Variants in ASTN1 observed in about 807,000 individuals in gnomAD.
ASTN1 encodes astrotactin-1.
A neutral mutation model predicts 140.7 loss-of-function variants in ASTN1; 41 were observed. That is an observed-to-expected ratio of 0.29 (90% CI 0.23 to 0.38). ASTN1 has a LOEUF of 0.38. ASTN1 is among the 10% of genes least tolerant of loss of function. The probability of loss-of-function intolerance (pLI) is 1.00; values close to 1 mark genes in which losing one functional copy is unlikely to be tolerated. For missense variants in ASTN1, 1,479 were observed against 1,678.8 expected, an observed-to-expected ratio of 0.88 and a Z score of 2.08; for synonymous variants, 640 against 652.2, an observed-to-expected ratio of 0.98 and a Z score of 0.29.
Position 177,024,814 on chromosome 1 carries a change from T to G in ASTN1, c.1121-82A>C, listed in dbSNP as rs1029588857. 25 of 1,485,512 alleles carry G rather than the reference T, an allele frequency of 1.7e-5. No individual in the cohort carries two copies. In the Admixed American group the frequency reaches 4.4e-4, roughly 26 times the overall value. 92.0% of individuals were successfully genotyped at this position (1,485,512 alleles called of 1,614,324 possible). Reference sequence around the variant, plus strand: ...CAACTTGGCTTTTTGCCAATCATCCTGGCAAACAGGGGAGACAGTTGGCAA... The same window carrying G: ...CAACTTGGCTTTTTGCCAATCATCCGGGCAAACAGGGGAGACAGTTGGCAA... On this transcript the variant is annotated intron_variant, in intron 5 of 22. Coordinates refer to ENST00000361833, the MANE Select transcript of ASTN1 (RefSeq NM_004319.3).
intron 16 of ASTN1, among the ~76,000 whole-genome samples, chr1:176,911,717 A>G (rs557247701): frequency 6.6e-6 from 1 of 152,204 alleles, no homozygotes; most frequent in Non-Finnish European, 1.5e-5. Flanking sequence ...CTCCTGGAAG[A>G]CCTGCCTGAA....
intron 6 of ASTN1, 136 bp downstream of exon 6, chr1:177,024,447 T>G: frequency 8.8e-7 from 1 of 1,131,780 alleles, no homozygotes; most frequent in Non-Finnish European, 1.2e-6. Flanking sequence ...TGTATCCTCA[T>G]CCTTACTTAT....
At chr1:177,068,821 CTT>C (rs763780306) in intron 1 of ASTN1, among the ~76,000 whole-genome samples, 32 of 135,272 alleles carry the variant, frequency 2.4e-4, no homozygotes, top group Non-Finnish European at 2.9e-4. Context: ...TCTTTCTTTT[CTT>C]TTTTTTTTTT....
At chr1:176,958,272 C>G (rs1672503825) in intron 10 of ASTN1, 73 bp downstream of exon 10, 1 of 1,604,174 alleles carries the variant, frequency 6.2e-7, no homozygotes, top group Non-Finnish European at 8.5e-7. Context: ...TCCCCAGCAC[C>G]TAAAACCTAC....
chr1:177,144,154 T>G (rs1302537519), intron 1 of ASTN1, among the ~76,000 whole-genome samples: 2 of 151,834 alleles, frequency 1.3e-5, no homozygotes, highest in Non-Finnish European at 2.9e-5. Flanking sequence ...AACATGATTT[T>G]TTTTTTTTTT....
At chr1:177,162,813 C>G (rs572390305) in intron 1 of ASTN1, among the ~76,000 whole-genome samples, 3 of 152,264 alleles carry the variant, frequency 2.0e-5, no homozygotes, top group Non-Finnish European at 2.9e-5. Context: ...CCAAATAACC[C>G]AGTAATTGTA....
At position 176,862,780 on chromosome 1, in the gene ASTN1, G is replaced by A. The variant is rs1668009677; in HGVS notation, c.*1504C>T. The A allele has an allele frequency of 1.0e-6, 1 of 977,076 alleles. No homozygotes were observed. The highest frequency in any genetic ancestry group is 6.2e-5 in the Admixed American group (1 of 16,258). 60.5% of individuals were successfully genotyped at this position (977,076 alleles called of 1,614,324 possible). A position where few individuals can be genotyped will look rare whatever the true frequency, so the allele number is the denominator to read the frequency against. On this transcript the variant is annotated 3_prime_UTR_variant, in exon 23 of 23. Transcript: ENST00000361833. ...AATGATACCTAAAGTGCTTACATCA[G>A]CGCCTGGCATACAGCAAGCACTCAA... is the stretch of plus-strand genomic sequence containing the variant.
rs1170258960 is a variant in ASTN1 at position 176,944,016 on chromosome 1, T to G, written c.2252A>C (p.Gln751Pro). 6 of 1,613,840 alleles carry G rather than the reference T, an allele frequency of 3.7e-6. No individual in the cohort carries two copies. Among genetic ancestry groups the G allele is most frequent in the Middle Eastern group, 3.3e-4 (2 of 6,026 alleles). Residue 751 changes from glutamine (Q) to proline (P), a missense_variant and splice_region_variant, in exon 14 of 23, where the codon CAA (glutamine) becomes CCA (proline). This residue lies in a region of ASTN1 where 746 missense variants were observed against 800.9 expected (regional missense o/e 0.93). Coordinates refer to ENST00000361833, the MANE Select transcript of ASTN1 (RefSeq NM_004319.3). Reference sequence around the variant, plus strand: ...GTCTAAACCACGAGCAAAGTTGTTTTGCCTAGAAAGAGGGTAGACCTTCAT... The same window carrying G: ...GTCTAAACCACGAGCAAAGTTGTTTGGCCTAGAAAGAGGGTAGACCTTCAT... ...AGQVLKGTFR[Q>P]NNFARGLDQQ...
intron 1 of ASTN1, among the ~76,000 whole-genome samples, chr1:177,104,033 C>T (rs1680426002): frequency 6.6e-6 from 1 of 152,068 alleles, no homozygotes; most frequent in Non-Finnish European, 1.5e-5. Context: ...CCAACAAGCA[C>T]TTGTGGGGCC....
At chr1:177,046,346 G>T (rs542237683) in intron 2 of ASTN1, among the ~76,000 whole-genome samples, 1 of 152,292 alleles carries the variant, frequency 6.6e-6, no homozygotes, top group East Asian at 1.9e-4. Context: ...ACAATTTTCA[G>T]CACTTTACCT....
chr1:176,868,939 A>G lies in ASTN1; in HGVS notation c.3552T>C (p.Gly1184=). 3 of 1,612,796 alleles carry G rather than the reference A, an allele frequency of 1.9e-6. No individual in the cohort carries two copies. The highest frequency in any genetic ancestry group is 2.5e-6 in the Non-Finnish European group (3 of 1,179,118). The change falls in exon 22 of 23, where the codon GGT becomes GGC. Residue 1184 remains glycine (G), a synonymous_variant. Coordinates refer to ENST00000361833, the MANE Select transcript of ASTN1 (RefSeq NM_004319.3). ...QTAYNTLLDL[G]SPTLHRVLYH... ...AGAGGACCCGGTGTAAGGTGGGGGA[A>G]CCCAGATCCAGGAGGGTGTTGTAGG...
chr1:176,974,423 T>A (rs1673275558), intron 8 of ASTN1, among the ~76,000 whole-genome samples: 2 of 152,012 alleles, frequency 1.3e-5, no homozygotes, highest in African/African-American at 4.8e-5. Context: ...TCTCGCTCTG[T>A]TGCCCAGGCT....
chr1:177,023,381 C>T (rs138908910), intron 7 of ASTN1, 23 bp downstream of exon 7: 9 of 1,562,120 alleles, frequency 5.8e-6, no homozygotes, highest in Middle Eastern at 1.7e-4. Flanking sequence ...GACAGTTACC[C>T]GCTGCCCGGT....
chr1:177,032,627 T>C lies in ASTN1; in HGVS notation c.694A>G (p.Ser232Gly). 1.5e-5 allele frequency: 25 copies of C among 1,614,194 alleles called. No homozygotes were observed. The highest frequency in any genetic ancestry group is 2.1e-5 in the Non-Finnish European group (25 of 1,180,042). ...TCCAGGATAGGTGTCTCCCGGATGC[T>C]CAGGGTGCCACTGGAGTTGTGGCCC... ...VQGHNSSGTL[S>G]IRETPILDGY... The change falls in exon 3 of 23, where the codon AGC becomes GGC. Residue 232 changes from serine (S) to glycine (G), a missense_variant. Physicochemically the swap from Ser to Gly is moderately conservative, Grantham distance 56. Around this residue, in one of 3 missense-constraint regions of ASTN1, gnomAD observed 729 missense variants for 860.4 expected, o/e 0.85. Coordinates refer to ENST00000361833, the MANE Select transcript of ASTN1 (RefSeq NM_004319.3).
chr1:177,031,070 G>T, intron 3 of ASTN1, 118 bp from the exon 4 acceptor site: 1 of 1,093,842 alleles, frequency 9.1e-7, no homozygotes, highest in South Asian at 1.9e-5. Flanking sequence ...TAAGACACCA[G>T]CAAACTGAGA....
chr1:176,880,573 T>A (rs966987098), intron 20 of ASTN1, among the ~76,000 whole-genome samples: 6 of 152,218 alleles, frequency 3.9e-5, no homozygotes, highest in African/African-American at 1.4e-4. Flanking sequence ...AAGTAGGAGT[T>A]CTTCGCTGTT....
chr1:177,118,785 A>G (rs1294451312), intron 1 of ASTN1, among the ~76,000 whole-genome samples: 1 of 152,166 alleles, frequency 6.6e-6, no homozygotes, highest in Admixed American at 6.5e-5. Flanking sequence ...TGCCCCAGGA[A>G]GGCTTGGGAA....
intron 1 of ASTN1, among the ~76,000 whole-genome samples, chr1:177,074,349 C>A (rs138319491): frequency 6.6e-6 from 1 of 152,254 alleles, no homozygotes; most frequent in East Asian, 1.9e-4. Flanking sequence ...ATAACTGAGT[C>A]TCCATGCCCA....
At chr1:177,091,008 C>G (rs1169530085) in intron 1 of ASTN1, among the ~76,000 whole-genome samples, 1 of 151,966 alleles carries the variant, frequency 6.6e-6, no homozygotes, top group African/African-American at 2.4e-5. Flanking sequence ...GAGTCTGGTC[C>G]TGCTTGATAA....
Sources: allele counts gnomAD v4.1 joint callset (sites outside exome capture counted in the v4.1 genomes callset), GRCh38; gene constraint gnomAD v4.1.1; regional missense constraint gnomAD v4.1.1; transcripts MANE v1.5; gene names NCBI Gene and HGNC (gene_info 2026-07-23, HGNC 2026-07-21).